Variants in MICAL2 observed in about 807,000 individuals in gnomAD.
MICAL2 encodes the protein [F-actin]-monooxygenase MICAL2.
A neutral mutation model predicts 127.3 loss-of-function variants in MICAL2; 77 were observed. The observed-to-expected ratio is 0.60, with a 90% confidence interval of 0.50 to 0.73. MICAL2 has a LOEUF of 0.73. MICAL2 is among the 30% of genes least tolerant of loss of function. MICAL2 has a pLI of 0.00. For missense variants in MICAL2, 1,351 were observed against 1,434.4 expected (o/e 0.94, Z 0.94); for synonymous variants, 570 against 551.1 (o/e 1.03, Z -0.48).
intron 1 of MICAL2, chr11:12,276,380 C>T (rs1863722431): frequency 2.6e-6 from 1 of 386,102 alleles, no homozygotes; most frequent in Non-Finnish European, 4.6e-6. Context: ...ACAGTGCCCA[C>T]ACGTCATAAG....
intron 29 of MICAL2, among the ~76,000 whole-genome samples, chr11:12,300,640 C>T (rs535026671): frequency 2.4e-4 from 37 of 152,198 alleles, no homozygotes; most frequent in African/African-American, 8.7e-4. Context: ...GAAAACAGAC[C>T]CTATGCCCTC....
intron 1 of MICAL2, among the ~76,000 whole-genome samples, chr11:12,113,262 C>T (rs1343025802): frequency 6.6e-6 from 1 of 152,182 alleles, no homozygotes. Flanking sequence ...AAGGTTACAA[C>T]TTGGCCGGGT....
At chr11:12,197,128 A>AT (rs1191986291) in intron 3 of MICAL2, among the ~76,000 whole-genome samples, 1 of 152,196 alleles carries the variant, frequency 6.6e-6, no homozygotes, top group African/African-American at 2.4e-5. Context: ...TGAGCCTGTA[A>AT]TCCCCAGAGC....
chr11:12,334,142 G>A (rs1428686979), intron 32 of MICAL2, among the ~76,000 whole-genome samples: 1 of 152,120 alleles, frequency 6.6e-6, no homozygotes, highest in African/African-American at 2.4e-5. Flanking sequence ...CACTCATTTG[G>A]AAAATATACA....
chr11:12,261,813 C>G (rs1863154240), intron 26 of MICAL2: 2 of 985,732 alleles, frequency 2.0e-6, no homozygotes, highest in Non-Finnish European at 2.4e-6. Flanking sequence ...AGTCCGATGA[C>G]TTGCATTGTG....
intron 3 of MICAL2, among the ~76,000 whole-genome samples, chr11:12,180,370 T>G: frequency 6.7e-6 from 1 of 150,250 alleles, no homozygotes; most frequent in East Asian, 2.0e-4. Context: ...GGCAGGAAGG[T>G]TTCCCATGAA....
chr11:12,323,869 C>T, intron 30 of MICAL2: 1 of 1,192,386 alleles, frequency 8.4e-7, no homozygotes, highest in Non-Finnish European at 1.2e-6. Context: ...AGAAGGTAAG[C>T]AGTGGCTGGG....
At chr11:12,220,567 G>A (rs1322640262) in intron 9 of MICAL2, 109 bp downstream of exon 9, 1 of 1,447,702 alleles carries the variant, frequency 6.9e-7, no homozygotes, top group Non-Finnish European at 9.2e-7. Context: ...CAGGCTCTCA[G>A]CCAGTTGGCA....
At chr11:12,211,608 G>C (rs896610926) in intron 6 of MICAL2, among the ~76,000 whole-genome samples, 1 of 152,196 alleles carries the variant, frequency 6.6e-6, no homozygotes, top group Non-Finnish European at 1.5e-5. Flanking sequence ...ACTCAGGAAA[G>C]GTCAGATGAC....
chr11:12,323,599 C>T (rs1290858491), intron 30 of MICAL2, among the ~76,000 whole-genome samples: 1 of 151,916 alleles, frequency 6.6e-6, no homozygotes, highest in African/African-American at 2.4e-5. Flanking sequence ...ATAGCAATTC[C>T]CAGCTACAGA....
chr11:12,191,380 G>A (rs556035891), intron 3 of MICAL2, among the ~76,000 whole-genome samples: 2 of 151,616 alleles, frequency 1.3e-5, no homozygotes, highest in African/African-American at 4.8e-5. Flanking sequence ...GCTGACGCAG[G>A]AGAGTTGCTT....
chr11:12,291,687 T>C (rs924507987), downstream of MICAL2, among the ~76,000 whole-genome samples: 5 of 152,198 alleles, frequency 3.3e-5, no homozygotes, highest in African/African-American at 1.2e-4. Flanking sequence ...AAAGAGCCCA[T>C]CTCATTAGTC....
chr11:12,199,030 TG>T (rs1860313880), intron 3 of MICAL2, among the ~76,000 whole-genome samples: 1 of 152,166 alleles, frequency 6.6e-6, no homozygotes, highest in Non-Finnish European at 1.5e-5. Context: ...CGGGCTTCAC[TG>T]TCAGTCAAGC....
intron 1 of MICAL2, among the ~76,000 whole-genome samples, chr11:12,131,347 G>T (rs1308822312): frequency 2.0e-5 from 3 of 150,360 alleles, no homozygotes; most frequent in South Asian, 2.1e-4. Context: ...ATTGCCCCAA[G>T]GTAATGGCTC....
chr11:12,348,153 C>CA (rs57602704), intron 32 of MICAL2, among the ~76,000 whole-genome samples: 16,321 of 79,002 alleles, frequency 0.21, 2,506 homozygotes, highest in African/African-American at 0.38. Flanking sequence ...GACTCTGTCT[C>CA]AAAAAAAAAA....
chr11:12,309,941 A>G (rs1194736372), intron 29 of MICAL2, among the ~76,000 whole-genome samples: 1 of 152,072 alleles, frequency 6.6e-6, no homozygotes, highest in African/African-American at 2.4e-5. Flanking sequence ...GATGCTGAGT[A>G]TTTTTTCATA....
At chr11:12,141,359 C>G (rs915636844) in intron 2 of MICAL2, among the ~76,000 whole-genome samples, 1 of 152,184 alleles carries the variant, frequency 6.6e-6, no homozygotes, top group African/African-American at 2.4e-5. Context: ...GTCTCCTTGA[C>G]TTCTGTGGTC....
At chr11:12,319,597 G>A (rs543343420) in intron 29 of MICAL2, 2 of 839,922 alleles carry the variant, frequency 2.4e-6, no homozygotes, top group African/African-American at 1.7e-5. Flanking sequence ...CAGGGAGGAA[G>A]GGAATGAGAG....
upstream of MICAL2, among the ~76,000 whole-genome samples, chr11:12,272,896 C>T (rs759500547): frequency 3.9e-5 from 6 of 152,214 alleles, no homozygotes; most frequent in African/African-American, 1.2e-4. Flanking sequence ...CCTCTGCTCA[C>T]GTCCCATCCA....
Sources: allele counts gnomAD v4.1 joint callset (sites outside exome capture counted in the v4.1 genomes callset), GRCh38; gene constraint gnomAD v4.1.1; transcripts MANE v1.5; gene names NCBI Gene and HGNC (gene_info 2026-07-23, HGNC 2026-07-21).